Variants in GLT8D2 observed in about 807,000 individuals in gnomAD.
The protein encoded by GLT8D2 is glycosyltransferase 8 domain-containing protein 2.
GLT8D2 carries 45 observed loss-of-function variants against 44.5 expected under a neutral mutation model. The observed-to-expected ratio is 1.01, with a 90% CI of 0.80 to 1.30. The LOEUF (loss-of-function observed/expected upper bound fraction) is 1.30. Among genes scored for constraint, GLT8D2 ranks in the 50% most tolerant of loss-of-function variants. GLT8D2 has a pLI of 0.00. For missense variants in GLT8D2, 400 were observed against 430.4 expected (o/e 0.93, Z 0.62); for synonymous variants, 156 against 157.2 (o/e 0.99, Z 0.06).
chr12:104,045,939 A>AAAGAAAGAAAGAAAG (rs1566213333), intron 1 of GLT8D2, among the ~76,000 whole-genome samples: 5 of 113,770 alleles, frequency 4.4e-5, no homozygotes, highest in South Asian at 2.9e-4. Flanking sequence ...AAGAAAGAAA[A>AAAGAAAGAAAGAAAG]AGAAAGAAAG....
At chr12:103,994,276 A>G in intron 9 of GLT8D2, 59 bp downstream of exon 9, 2 of 1,498,526 alleles carry the variant, frequency 1.3e-6, no homozygotes, top group Non-Finnish European at 1.8e-6. Context: ...TGTGTGGAAA[A>G]TTAATTGAAT....
At chr12:104,000,556 T>C (rs901138903) in intron 5 of GLT8D2, among the ~76,000 whole-genome samples, 2 of 152,140 alleles carry the variant, frequency 1.3e-5, no homozygotes, top group Admixed American at 6.5e-5. Flanking sequence ...CTTTAAAGTA[T>C]GTAAAAGGGG....
intron 4 of GLT8D2, among the ~76,000 whole-genome samples, chr12:104,007,269 C>A (rs1327481260): frequency 2.4e-5 from 1 of 41,724 alleles, no homozygotes; most frequent in Non-Finnish European, 5.6e-5. Flanking sequence ...TCTCTCTCCC[C>A]CCGCTCTCTC....
chr12:103,991,823 TA>T (rs11340919), intron 10 of GLT8D2, among the ~76,000 whole-genome samples: 42,440 of 122,800 alleles, frequency 0.35, 7,028 homozygotes, highest in East Asian at 0.49. Context: ...TTACGTCCTT[TA>T]AAAAAAAAAA....
intron 1 of GLT8D2, chr12:104,031,582 C>T (rs1220759284): frequency 2.3e-5 from 37 of 1,609,500 alleles, no homozygotes; most frequent in Non-Finnish European, 3.0e-5. Context: ...GAGCACCCTC[C>T]CTGCCCATCT....
intron 1 of GLT8D2, among the ~76,000 whole-genome samples, chr12:104,025,912 A>C (rs190665585): frequency 6.6e-6 from 1 of 152,322 alleles, no homozygotes; most frequent in East Asian, 1.9e-4. Flanking sequence ...TATCTCCTAT[A>C]CTTTCTACAG....
At chr12:104,047,180 C>A (rs1881239663) in intron 1 of GLT8D2, among the ~76,000 whole-genome samples, 1 of 152,096 alleles carries the variant, frequency 6.6e-6, no homozygotes, top group Non-Finnish European at 1.5e-5. Context: ...GTTCTGGAAG[C>A]TGAGAAGCCC....
rs368768012 is a variant in GLT8D2, at chr12:104,043,531, A to G, written c.-164+6364T>C. ...TCTCAAGCTGGAATGCAGTGGCACA[A>G]TCTTGGCTCACTGCAACCTCCGCCT... On this transcript the variant is annotated intron_variant, in intron 1 of 10. Transcript: ENST00000360814. Among the ~76,000 whole-genome samples the G allele has an allele frequency of 3.3e-5, 5 of 152,246 alleles. No individual in the cohort carries two copies. In the South Asian group the frequency reaches 1.0e-3, roughly 32 times the overall value.
chr12:104,034,221 T>C (rs1385766773), intron 1 of GLT8D2, among the ~76,000 whole-genome samples: 3 of 152,218 alleles, frequency 2.0e-5, no homozygotes, highest in South Asian at 2.1e-4. Flanking sequence ...CCCAGCGTGA[T>C]TGATGCAGAA....
intron 1 of GLT8D2, among the ~76,000 whole-genome samples, chr12:104,021,983 GGAAGAAGAAGAA>G (rs1296709552): frequency 1.1e-4 from 2 of 18,192 alleles, no homozygotes; most frequent in Admixed American, 6.8e-4. Context: ...AAGAGGAAGA[GGAAGAAGAAGAA>G]GAAGAAGAAG....
At chr12:104,060,787 G>T (rs757830910) in intron 1 of GLT8D2, among the ~76,000 whole-genome samples, 3 of 152,088 alleles carry the variant, frequency 2.0e-5, no homozygotes, top group Non-Finnish European at 4.4e-5. Flanking sequence ...GCCAGGCATG[G>T]TAGTGCACAC....
chr12:104,043,524 TG>T (rs1348419053), intron 1 of GLT8D2, among the ~76,000 whole-genome samples: 1 of 152,216 alleles, frequency 6.6e-6, no homozygotes, highest in Non-Finnish European at 1.5e-5. Flanking sequence ...TGGAATGCAG[TG>T]GCACAATCTT....
At chr12:104,008,222 C>T (rs1398745261) in intron 4 of GLT8D2, among the ~76,000 whole-genome samples, 1 of 152,124 alleles carries the variant, frequency 6.6e-6, no homozygotes, top group Non-Finnish European at 1.5e-5. Flanking sequence ...TTCCTAGAGA[C>T]TTGTTGAATG....
chr12:104,016,884 AAAAT>A (rs1381587072), intron 3 of GLT8D2, among the ~76,000 whole-genome samples: 7 of 136,404 alleles, frequency 5.1e-5, no homozygotes, highest in Non-Finnish European at 1.1e-4. Flanking sequence ...GAAAGAAAGA[AAAAT>A]AAAGAGAGAA....
At chr12:103,993,026 T>C (rs1402694347) in intron 10 of GLT8D2, among the ~76,000 whole-genome samples, 4 of 152,156 alleles carry the variant, frequency 2.6e-5, no homozygotes, top group Admixed American at 6.5e-5. Context: ...TGGTGCTCAC[T>C]GGGTCTATAA....
chr12:104,015,938 G>A (rs980443060), intron 3 of GLT8D2, among the ~76,000 whole-genome samples: 15 of 152,218 alleles, frequency 9.9e-5, no homozygotes, highest in African/African-American at 3.6e-4. Flanking sequence ...GGGAGGTGGA[G>A]GTTGCAGTGA....
intron 1 of GLT8D2, among the ~76,000 whole-genome samples, chr12:104,024,592 A>G (rs1236294361): frequency 1.3e-5 from 2 of 152,146 alleles, no homozygotes; most frequent in African/African-American, 4.8e-5. Flanking sequence ...TAGCTGTTAT[A>G]ATGGGTGAAT....
chr12:104,003,296 G>A lies in GLT8D2; in HGVS notation c.123C>T (p.Ser41=), dbSNP rs200622302. The change falls in exon 5 of 11, where the codon TCC becomes TCT. Residue 41 remains serine, a synonymous_variant. Coordinates refer to ENST00000360814, the MANE Select transcript of GLT8D2 (RefSeq NM_001384711.1). ...TVPKNDADDE[S]ETPEELEEEI... The stretch of plus-strand genomic sequence containing the variant: ...CTTCTTCCAGTTCTTCAGGAGTCTC[G>A]GATTCATCATCTGGAAACATAAAAA... 2.0e-5 allele frequency: 33 copies of A among 1,613,858 alleles called. No homozygotes were observed. Among genetic ancestry groups the A allele is most frequent in the Non-Finnish European group, 2.5e-5 (29 of 1,179,920 alleles).
intron 6 of GLT8D2, 111 bp downstream of exon 6, chr12:103,999,286 C>A (rs1285160056): frequency 9.1e-6 from 6 of 655,988 alleles, no homozygotes; most frequent in African/African-American, 7.2e-5. Context: ...GAGATCAACT[C>A]CACATGGCTT....
Sources: gnomAD v4.1 joint callset for allele counts (sites outside exome capture counted in the v4.1 genomes callset) on GRCh38, gnomAD v4.1.1 for gene constraint, MANE v1.5 for transcripts, NCBI Gene and HGNC (gene_info 2026-07-23, HGNC 2026-07-21) for gene names.